Variants in FAM120C observed in about 807,000 individuals in gnomAD.
The protein encoded by FAM120C is family with sequence similarity 120 member C.
Under a neutral mutation model 71.2 loss-of-function variants are expected in FAM120C, and 14 were observed. That is an observed-to-expected ratio of 0.20 (90% CI 0.13 to 0.31). The LOEUF (loss-of-function observed/expected upper bound fraction) is 0.31. Ranked by LOEUF, FAM120C falls within the 10% of genes least tolerant of loss-of-function variation. FAM120C has a pLI of 1.00. For synonymous variants in FAM120C, 354 were observed against 353.2 expected (o/e 1.00, Z -0.03); for missense variants, 500 against 879.0 (o/e 0.57, Z 5.45).
rs1557129622 is a variant in FAM120C, at chrX:54,132,789, C to T, written c.1965G>A (p.Arg655=). 15 of 1,209,535 alleles carry T rather than the reference C, an allele frequency of 1.2e-5. No homozygotes were observed. The highest frequency in any genetic ancestry group is 1.7e-5 in the Non-Finnish European group (15 of 894,281). The change falls in exon 9 of 16, where the codon CGG becomes CGA. Residue 655 remains arginine, a synonymous_variant. Coordinates refer to ENST00000375180, the MANE Select transcript of FAM120C (RefSeq NM_017848.6). ...CTCCATATACATATTGACGAGCTGA[C>T]CGGAATAAGAGAGCAGCTGGAGGCA... The part of the protein sequence containing the change: ...MELPPAALLF[R]SARQYVYGVL...
intron 13 of FAM120C, 38 bp from the exon 14 acceptor site, chrX:54,081,498 G>T (rs782474133): frequency 8.6e-5 from 101 of 1,180,692 alleles, no homozygotes; most frequent in African/African-American, 1.1e-4. Context: ...TGGGCCAGGT[G>T]TGGTGGTTCA....
chrX:54,096,662 GTTAGC>G (rs369029460), intron 10 of FAM120C, among the ~76,000 whole-genome samples: 3 of 111,387 alleles, frequency 2.7e-5, no homozygotes, highest in African/African-American at 9.7e-5. Context: ...GGGTGTATCA[GTTAGC>G]TTAAACATTC....
intron 4 of FAM120C, among the ~76,000 whole-genome samples, chrX:54,151,011 G>A (rs1363810234): frequency 7.2e-5 from 8 of 111,202 alleles, no homozygotes; most frequent in African/African-American, 1.3e-4. Flanking sequence ...CACCGTGCCC[G>A]GACTAGAATG....
At chrX:54,153,573 A>G (rs1420248888) in intron 3 of FAM120C, among the ~76,000 whole-genome samples, 3 of 92,499 alleles carry the variant, frequency 3.2e-5, no homozygotes, top group African/African-American at 7.9e-5. Context: ...ACGCCCAGCT[A>G]TTTTTTTTTT....
At chrX:54,170,612 G>C in intron 1 of FAM120C, among the ~76,000 whole-genome samples, 1 of 112,169 alleles carries the variant, frequency 8.9e-6, no homozygotes, top group East Asian at 2.8e-4. Context: ...AGTATATACA[G>C]CAGGAGCTTT....
chrX:54,081,794 A>G (rs2066767068), intron 13 of FAM120C, among the ~76,000 whole-genome samples: 1 of 107,320 alleles, frequency 9.3e-6, no homozygotes, highest in African/African-American at 3.4e-5. Flanking sequence ...AAAAAAAAGA[A>G]GAAGAAAAAA....
At chrX:54,181,642 C>CATTCAA (rs1294981867) in intron 1 of FAM120C, among the ~76,000 whole-genome samples, 1 of 111,703 alleles carries the variant, frequency 9.0e-6, no homozygotes, top group Non-Finnish European at 1.9e-5. Flanking sequence ...GCTTGTGACT[C>CATTCAA]ATTCAAATCC....
intron 1 of FAM120C, among the ~76,000 whole-genome samples, chrX:54,168,001 A>G (rs1471401379): frequency 2.7e-5 from 3 of 110,095 alleles, no homozygotes; most frequent in Non-Finnish European, 3.8e-5. Context: ...TCAAGGGAAA[A>G]AAGCTCTCTG....
At chrX:54,180,056 G>C (rs1387318423) in intron 1 of FAM120C, among the ~76,000 whole-genome samples, 2 of 111,828 alleles carry the variant, frequency 1.8e-5, no homozygotes, top group African/African-American at 6.5e-5. Flanking sequence ...TTTATTAACT[G>C]CTGGGATTTT....
chrX:54,175,847 A>C (rs2067314000), intron 1 of FAM120C, among the ~76,000 whole-genome samples: 1 of 111,833 alleles, frequency 8.9e-6, no homozygotes, highest in Non-Finnish European at 1.9e-5. Flanking sequence ...AGCTTACATA[A>C]TGAGTACTTA....
chrX:54,125,234 C>T lies in FAM120C; in HGVS notation c.2062+7458G>A, dbSNP rs782020394. On this transcript the variant is annotated intron_variant, in intron 9 of 15. Coordinates refer to ENST00000375180, the MANE Select transcript of FAM120C (RefSeq NM_017848.6). ...AAAAAAAAAAAAAAAAAAATCAGTACTCATATGGGACTATTTCTGGATGCC... is the reference window on the plus strand; with the variant it reads ...AAAAAAAAAAAAAAAAAAATCAGTATTCATATGGGACTATTTCTGGATGCC... 2.7e-5 allele frequency among the ~76,000 whole-genome samples: 3 copies of T among 109,205 alleles called. No homozygotes were observed. In the South Asian group the frequency reaches 1.2e-3, roughly 43 times the overall value. The allele number at this position is 109,205 out of a possible 115,157, so 94.8% of individuals were successfully genotyped here.
intron 1 of FAM120C, among the ~76,000 whole-genome samples, chrX:54,164,904 T>G (rs2067252496): frequency 8.9e-6 from 1 of 112,209 alleles, no homozygotes; most frequent in South Asian, 3.7e-4. Flanking sequence ...TTTATCCACA[T>G]CCTTGTCAAC....
intron 1 of FAM120C, among the ~76,000 whole-genome samples, chrX:54,175,547 C>T (rs978363339): frequency 6.4e-5 from 7 of 109,433 alleles, no homozygotes; most frequent in African/African-American, 2.0e-4. Flanking sequence ...TTAACTCCGT[C>T]GCCCAGGCTG....
intron 10 of FAM120C, among the ~76,000 whole-genome samples, chrX:54,108,325 G>A (rs1557125139): frequency 9.1e-6 from 1 of 109,731 alleles, no homozygotes; most frequent in African/African-American, 3.3e-5. Context: ...TTGGATGGGA[G>A]GACTTAACAT....
At chrX:54,095,126 T>C (rs1229943848) in intron 10 of FAM120C, among the ~76,000 whole-genome samples, 1 of 111,556 alleles carries the variant, frequency 9.0e-6, no homozygotes, top group Non-Finnish European at 1.9e-5. Context: ...CTCAGCATAG[T>C]GCCTGGCACA....
chrX:54,084,403 T>G (rs1287611611), intron 13 of FAM120C, among the ~76,000 whole-genome samples: 1 of 111,944 alleles, frequency 8.9e-6, no homozygotes, highest in Non-Finnish European at 1.9e-5. Flanking sequence ...CCTAAAAAAC[T>G]AACTTCAACT....
rs2066867399 is a variant in FAM120C, at chrX:54,098,772, C to T, written c.2313-7346G>A. Among the ~76,000 whole-genome samples, 3 of 110,340 alleles carry T rather than the reference C, an allele frequency of 2.7e-5. No homozygotes were observed. In the Admixed American group the frequency reaches 2.9e-4, roughly 11 times the overall value. The stretch of plus-strand genomic sequence containing the variant: ...CTGAGTAGCTGGGATTACAGGCACG[C>T]GCCATGCCCGGCTAATTTTTGTATT... On this transcript the variant is annotated intron_variant, in intron 10 of 15. Coordinates refer to ENST00000375180, the MANE Select transcript of FAM120C (RefSeq NM_017848.6).
intron 8 of FAM120C, 131 bp downstream of exon 8, chrX:54,133,642 C>T: frequency 1.4e-6 from 1 of 719,560 alleles, no homozygotes; most frequent in African/African-American, 2.1e-5. Flanking sequence ...GGATGAGGGG[C>T]CCACCACATG....
chrX:54,181,197 A>G (rs782007038), intron 1 of FAM120C, among the ~76,000 whole-genome samples: 160 of 110,780 alleles, frequency 1.4e-3, no homozygotes, highest in Non-Finnish European at 1.7e-3. Context: ...TAGGTCTTTT[A>G]GTCTCTGAGC....
Sources: allele counts gnomAD v4.1 joint callset (sites outside exome capture counted in the v4.1 genomes callset), GRCh38; gene constraint gnomAD v4.1.1; transcripts MANE v1.5; gene names NCBI Gene and HGNC (gene_info 2026-07-23, HGNC 2026-07-21).